Variants in RBFOX1 observed in about 807,000 individuals in gnomAD.
The protein encoded by RBFOX1 is RNA binding fox-1 homolog 1, also known as RNA binding protein fox-1 homolog 1.
A neutral mutation model predicts 57.7 loss-of-function variants in RBFOX1; 8 were observed. That is an observed-to-expected ratio of 0.14 (90% CI 0.08 to 0.25). The LOEUF (loss-of-function observed/expected upper bound fraction) is 0.25. RBFOX1 is among the 10% of genes least tolerant of loss of function. RBFOX1 has a pLI of 1.00. For missense variants in RBFOX1, 611 were observed against 548.5 expected (o/e 1.11, Z -1.14); for synonymous variants, 326 against 222.4 (o/e 1.47, Z -4.15).
chr16:6,104,579 A>G (rs1597349920), intron 1 of RBFOX1, among the ~76,000 whole-genome samples: 1 of 152,104 alleles, frequency 6.6e-6, no homozygotes, highest in Admixed American at 6.6e-5. Flanking sequence ...CTCTGTTCCC[A>G]CCCTCAGCCC....
At chr16:5,917,132 C>G (rs967264952) in intron 4 of RBFOX1, among the ~76,000 whole-genome samples, 1 of 152,098 alleles carries the variant, frequency 6.6e-6, no homozygotes, top group South Asian at 2.1e-4. Flanking sequence ...CCTTCCTGTT[C>G]CTCTGCTTTA....
chr16:5,739,198 G>A (rs552231873), intron 3 of RBFOX1, among the ~76,000 whole-genome samples: 64 of 152,296 alleles, frequency 4.2e-4, no homozygotes, highest in African/African-American at 1.3e-3. Flanking sequence ...AATTATTCAG[G>A]CAAGGAAGGA....
chr16:5,956,109 C>T (rs2059633477), intron 4 of RBFOX1, among the ~76,000 whole-genome samples: 1 of 152,060 alleles, frequency 6.6e-6, no homozygotes, highest in South Asian at 2.1e-4. Context: ...AACCCCATCT[C>T]TACAAGTAAT....
intron 4 of RBFOX1, among the ~76,000 whole-genome samples, chr16:7,505,463 T>G (rs1479025388): frequency 2.0e-5 from 3 of 152,206 alleles, no homozygotes; most frequent in African/African-American, 7.2e-5. Context: ...ATGTCGCTCA[T>G]TTTTTAAGGG....
intron 2 of RBFOX1, among the ~76,000 whole-genome samples, chr16:6,644,422 A>G (rs2098516877): frequency 6.6e-6 from 1 of 152,214 alleles, no homozygotes. Context: ...TTAAGAAGGA[A>G]GAGCAAAACC....
intron 1 of RBFOX1, among the ~76,000 whole-genome samples, chr16:6,309,480 A>C (rs776390181): frequency 2.6e-5 from 4 of 152,174 alleles, no homozygotes; most frequent in Non-Finnish European, 2.9e-5. Context: ...CTGCAGACAC[A>C]ATTATTGCTG....
intron 1 of RBFOX1, among the ~76,000 whole-genome samples, chr16:5,261,862 C>T (rs886120904): frequency 6.6e-6 from 1 of 152,096 alleles, no homozygotes; most frequent in Non-Finnish European, 1.5e-5. Flanking sequence ...CCTCATTGTG[C>T]TTTGTAGTAA....
intron 1 of RBFOX1, among the ~76,000 whole-genome samples, chr16:5,321,142 C>T (rs1308622581): frequency 6.6e-6 from 1 of 152,172 alleles, no homozygotes; most frequent in Non-Finnish European, 1.5e-5. Context: ...TATAGACATT[C>T]AGGTCCTGGG....
intron 4 of RBFOX1, among the ~76,000 whole-genome samples, chr16:5,967,067 A>G (rs1352483232): frequency 1.4e-5 from 2 of 148,066 alleles, no homozygotes; most frequent in Admixed American, 1.4e-4. Context: ...GAAAACAGCC[A>G]TGACCGCTCA....
chr16:7,658,613 G>A (rs1351533324), intron 12 of RBFOX1, among the ~76,000 whole-genome samples: 2 of 152,142 alleles, frequency 1.3e-5, no homozygotes, highest in Admixed American at 6.5e-5. Context: ...TATCTTTGAT[G>A]TTAGAAAACA....
At chr16:6,455,314 C>G (rs1429466244) in intron 2 of RBFOX1, among the ~76,000 whole-genome samples, 11 of 152,076 alleles carry the variant, frequency 7.2e-5, no homozygotes, top group South Asian at 2.1e-4. Flanking sequence ...ATTGCCAAAG[C>G]TGGTGAGACA....
At chr16:7,054,651 GA>G (rs1163165497) in intron 4 of RBFOX1, among the ~76,000 whole-genome samples, 1 of 151,640 alleles carries the variant, frequency 6.6e-6, no homozygotes, top group Non-Finnish European at 1.5e-5. Flanking sequence ...TGCTTTCTTA[GA>G]AAGAGAGTGG....
chr16:5,294,951 G>C (rs1284673123), intron 1 of RBFOX1, among the ~76,000 whole-genome samples: 3 of 146,708 alleles, frequency 2.0e-5, no homozygotes, highest in Non-Finnish European at 4.5e-5. Context: ...AATCCCTTGA[G>C]CCCAGGAGGC....
At position 6,352,632 on chromosome 16, in the gene RBFOX1, C is replaced by A. The variant is rs187952363; in HGVS notation, c.-64+35575C>A. Among the ~76,000 whole-genome samples, 602 of 152,188 alleles carry A rather than the reference C, an allele frequency of 4.0e-3. 2 individuals carry two copies. Among genetic ancestry groups the A allele is most frequent in the Middle Eastern group, 0.017 (5 of 294 alleles). On this transcript the variant is annotated intron_variant, in intron 2 of 15. Transcript: ENST00000550418. ...CCTGTCCTTGCTTTGGGTTACCATG[C>A]GAAGTCATTCATTACTTTTAGAAAT...
At chr16:7,362,480 GTT>G (rs764200814) in intron 4 of RBFOX1, among the ~76,000 whole-genome samples, 1 of 151,206 alleles carries the variant, frequency 6.6e-6, no homozygotes. Context: ...GTGTTTGTGT[GTT>G]TTGTGTATAT....
chr16:5,252,842 C>G (rs752109772), intron 1 of RBFOX1, among the ~76,000 whole-genome samples: 1 of 152,236 alleles, frequency 6.6e-6, no homozygotes, highest in Admixed American at 6.5e-5. Flanking sequence ...ACCACCTCCC[C>G]CTTCCAGAAA....
At position 7,396,781 on chromosome 16, in the gene RBFOX1, A is replaced by C. The variant is rs1334343317; in HGVS notation, c.28-121366A>C. ...ACTATGAAACTGCATCTCTACTAAA[A>C]ATACAATCAATTAGCCAGGTTTGGT... On this transcript the variant is annotated intron_variant, in intron 4 of 15. Transcript: ENST00000550418. Among the ~76,000 whole-genome samples, 4 of 152,226 alleles carry C rather than the reference A, an allele frequency of 2.6e-5. No individual in the cohort carries two copies. The East Asian group carries it at 7.7e-4, about 29-fold the overall frequency.
chr16:6,610,811 A>G, intron 2 of RBFOX1, among the ~76,000 whole-genome samples: 1 of 152,194 alleles, frequency 6.6e-6, no homozygotes. Context: ...GAGAAGTAGA[A>G]ATAAAAATGT....
intron 4 of RBFOX1, among the ~76,000 whole-genome samples, chr16:5,990,732 C>A (rs546981129): frequency 6.6e-6 from 1 of 152,320 alleles, no homozygotes. Context: ...CTTCAGAAGG[C>A]TGAGGCGGGC....
Sources: gnomAD v4.1 joint callset for allele counts (sites outside exome capture counted in the v4.1 genomes callset) on GRCh38, gnomAD v4.1.1 for gene constraint, MANE v1.5 for transcripts, NCBI Gene and HGNC (gene_info 2026-07-23, HGNC 2026-07-21) for gene names.